ACADSB: variants seen among roughly 807,000 people sequenced by gnomAD.
The protein encoded by ACADSB is acyl-CoA dehydrogenase short/branched chain, also known as short/branched chain specific acyl-CoA dehydrogenase, mitochondrial.
In ACADSB, 40 loss-of-function variants were observed where a neutral mutation model predicts 54.1. The ratio of observed to expected loss-of-function variants is 0.74; its 90% CI spans 0.57 to 0.96. The LOEUF is 0.96. Ranked by LOEUF, ACADSB falls within the 40% of genes least tolerant of loss-of-function variation. The pLI, the probability that ACADSB is intolerant of heterozygous loss-of-function variation, is 0.00. For missense variants in ACADSB, 530 were observed against 510.4 expected (o/e 1.04, Z -0.37); for synonymous variants, 182 against 182.8 (o/e 1.00, Z 0.03).
rs540161969 is a variant in ACADSB, at chr10:123,052,252, C to G, written c.1129-809C>G. 8.5e-5 allele frequency among the ~76,000 whole-genome samples: 13 copies of G among 152,336 alleles called. No homozygotes were observed. Among genetic ancestry groups the G allele is most frequent in the African/African-American group, 2.9e-4 (12 of 41,586 alleles). ...TAGAGGTCAGAAATCTGAAATGGGT[C>G]TCACTGGAATACAGGGGCTGCCTTT... is the stretch of plus-strand genomic sequence containing the variant. On this transcript the variant is annotated intron_variant, in intron 9 of 10. Transcript: ENST00000358776. This position sits in a 1 kb window ranked among gnomAD's most constrained non-coding sequence, Gnocchi z 4.2.
Position 123,034,348 on chromosome 10 carries a change from C to T in ACADSB, c.43-8C>T. On this transcript the variant is annotated splice_region_variant and splice_polypyrimidine_tract_variant and intron_variant, in intron 1 of 10. Transcript: ENST00000358776. ...TACCTTTCTTTCATGTGTGTATGTT[C>T]CCTACAGCTAAGAAGAAATTTCCTG... 1 of 1,612,992 alleles carries T rather than the reference C, an allele frequency of 6.2e-7. No individual in the cohort carries two copies. The highest frequency in any genetic ancestry group is 8.5e-7 in the Non-Finnish European group (1 of 1,179,496).
At chr10:123,009,168 G>C (rs1178154638) in intron 1 of ACADSB, 97 bp downstream of exon 1, 2 of 1,339,562 alleles carry the variant, frequency 1.5e-6, no homozygotes, top group Non-Finnish European at 2.1e-6. Context: ...CGGGGCGCCG[G>C]CCTGAGCCCC....
At chr10:123,012,619 C>T (rs904178945) in intron 1 of ACADSB, among the ~76,000 whole-genome samples, 1 of 152,000 alleles carries the variant, frequency 6.6e-6, no homozygotes, top group Non-Finnish European at 1.5e-5. Flanking sequence ...AAGCTGCAGA[C>T]CTTCACGGTG....
chr10:123,015,968 G>A (rs909030192), intron 1 of ACADSB, among the ~76,000 whole-genome samples: 1 of 152,136 alleles, frequency 6.6e-6, no homozygotes, highest in Non-Finnish European at 1.5e-5. Flanking sequence ...GAAGATGTGG[G>A]AATTATCTTG....
At chr10:123,027,116 A>C (rs1850264773) in intron 1 of ACADSB, among the ~76,000 whole-genome samples, 1 of 152,210 alleles carries the variant, frequency 6.6e-6, no homozygotes, top group Non-Finnish European at 1.5e-5. Context: ...TTGGTTTTTG[A>C]AAATCATAAG....
chr10:123,045,145 A>ATTTTTT (rs1850536374), intron 7 of ACADSB, among the ~76,000 whole-genome samples: 1 of 11,536 alleles, frequency 8.7e-5, no homozygotes, highest in African/African-American at 3.6e-4. Context: ...ATATATATAT[A>ATTTTTT]TATATATATA....
At chr10:123,014,423 A>G (rs1850085386) in intron 1 of ACADSB, among the ~76,000 whole-genome samples, 1 of 152,200 alleles carries the variant, frequency 6.6e-6, no homozygotes, top group South Asian at 2.1e-4. Flanking sequence ...AAGCTTCAAA[A>G]TCCTGGACTC....
chr10:123,037,945 C>T, intron 3 of ACADSB, 98 bp downstream of exon 3: 1 of 933,260 alleles, frequency 1.1e-6, no homozygotes, highest in South Asian at 1.5e-5. Context: ...TCAAAATTAT[C>T]TGTTTTCTTT....
At chr10:123,020,802 A>G (rs184210936) in intron 1 of ACADSB, among the ~76,000 whole-genome samples, 3 of 152,368 alleles carry the variant, frequency 2.0e-5, no homozygotes, top group Admixed American at 2.0e-4. Flanking sequence ...TAGTGCCAGC[A>G]GACCAGGCTG....
rs185809458 is a variant in ACADSB, at chr10:123,056,943, A to T, written c.*3178A>T. ...GGACAAATTTAGACCTTGAATCCGA[A>T]GAGATAAAGCTTACTTGACTTTCAA... On this transcript the variant is annotated 3_prime_UTR_variant, in exon 11 of 11. Transcript: ENST00000358776. 2.0e-5 allele frequency: 3 copies of T among 152,816 alleles called. No homozygotes were observed. The East Asian group carries it at 5.8e-4, about 29-fold the overall frequency. The allele number at this position is 152,816 out of a possible 1,614,324, so 9.5% of individuals were successfully genotyped here. A position where few individuals can be genotyped will look rare whatever the true frequency, so the allele number is the denominator to read the frequency against.
rs1564752210 is a variant in ACADSB at position 123,043,038 on chromosome 10, C to CT, written c.682-3dup. 1 of 1,612,980 alleles carries CT rather than the reference C, an allele frequency of 6.2e-7. No homozygotes were observed. Among genetic ancestry groups the CT allele is most frequent in the East Asian group, 2.2e-5 (1 of 44,846 alleles). On this transcript the variant is annotated splice_polypyrimidine_tract_variant and splice_region_variant and intron_variant, in intron 5 of 10. Transcript: ENST00000358776. Reference sequence around the variant, plus strand: ...AAGTGGTAATAGCGTTTTAATTCTTCTTTTTAGGGATATAAGGGAATTACC... The same window carrying CT: ...AAGTGGTAATAGCGTTTTAATTCTTCTTTTTTAGGGATATAAGGGAATTACC...
chr10:123,045,114 T>C (rs933139287), intron 7 of ACADSB, among the ~76,000 whole-genome samples: 3 of 139,320 alleles, frequency 2.2e-5, no homozygotes, highest in Non-Finnish European at 3.1e-5. Flanking sequence ...TTTACTTTAG[T>C]GTCAGTTTTG....
intron 1 of ACADSB, among the ~76,000 whole-genome samples, chr10:123,023,247 C>G (rs1238982776): frequency 1.3e-5 from 2 of 152,266 alleles, no homozygotes; most frequent in East Asian, 1.9e-4. Context: ...AAATATCTAG[C>G]AGAGACAAAT....
chr10:123,014,668 A>C (rs995810737), intron 1 of ACADSB, among the ~76,000 whole-genome samples: 4 of 152,260 alleles, frequency 2.6e-5, no homozygotes, highest in African/African-American at 7.2e-5. Context: ...GAGGTAGGGT[A>C]TCTGTTTTAA....
At chr10:123,023,018 T>A (rs1364001921) in intron 1 of ACADSB, among the ~76,000 whole-genome samples, 1 of 152,250 alleles carries the variant, frequency 6.6e-6, no homozygotes, top group Non-Finnish European at 1.5e-5. Flanking sequence ...TAATTGTTTT[T>A]AATAGCCAGT....
chr10:123,010,178 C>G (rs1850000480), intron 1 of ACADSB, among the ~76,000 whole-genome samples: 1 of 152,234 alleles, frequency 6.6e-6, no homozygotes, highest in African/African-American at 2.4e-5. Context: ...AATTTATTGA[C>G]CGCATACTCT....
At chr10:123,041,057 C>G (rs929639000) in intron 4 of ACADSB, 152 bp from the exon 5 acceptor site, 57 of 881,046 alleles carry the variant, frequency 6.5e-5, no homozygotes, top group Non-Finnish European at 8.4e-5. Context: ...GAAAATAATA[C>G]TTTCAGAATA....
chr10:123,022,344 A>C (rs1204206961), intron 1 of ACADSB, among the ~76,000 whole-genome samples: 1 of 152,222 alleles, frequency 6.6e-6, no homozygotes, highest in East Asian at 1.9e-4. Flanking sequence ...TGAACCTATG[A>C]CACCATTGTA....
chr10:123,016,002 C>T (rs974617673), intron 1 of ACADSB, among the ~76,000 whole-genome samples: 1 of 152,220 alleles, frequency 6.6e-6, no homozygotes, highest in Non-Finnish European at 1.5e-5. Context: ...AGATGGACTA[C>T]ACATTTTCTA....
Sources: gnomAD v4.1 joint callset for allele counts (sites outside exome capture counted in the v4.1 genomes callset) on GRCh38, gnomAD v4.1.1 for gene constraint, Gnocchi (gnomAD v3.1) non-coding constraint, MANE v1.5 for transcripts, NCBI Gene and HGNC (gene_info 2026-07-23, HGNC 2026-07-21) for gene names.